The following NEO1 variants were observed in gnomAD, a reference collection of about 807,000 sequenced individuals.
NEO1 encodes the protein neogenin 1, also known as neogenin.
In NEO1, 63 loss-of-function variants were observed where a neutral mutation model predicts 159.7. The ratio of observed to expected loss-of-function variants is 0.39; its 90% CI spans 0.32 to 0.49. NEO1 has a LOEUF of 0.49. Among genes scored for constraint, NEO1 ranks in the 20% least tolerant of loss-of-function variants. The pLI is 0.85. For synonymous variants in NEO1, 633 were observed against 662.0 expected, an observed-to-expected ratio of 0.96 and a Z score of 0.67; for missense variants, 1,615 against 1,831.0, an observed-to-expected ratio of 0.88 and a Z score of 2.15.
intron 1 of NEO1, among the ~76,000 whole-genome samples, chr15:73,057,191 G>T (rs1483513738): frequency 6.6e-6 from 1 of 152,126 alleles, no homozygotes; most frequent in Non-Finnish European, 1.5e-5. Context: ...AATGGCTTCA[G>T]TGTTTCTTTG....
At chr15:73,266,465 G>A in intron 16 of NEO1, 54 bp downstream of exon 16, 1 of 1,404,010 alleles carries the variant, frequency 7.1e-7, no homozygotes, top group Non-Finnish European at 9.9e-7. Flanking sequence ...AGCTTAGGCA[G>A]AATATTGGCA....
intron 28 of NEO1, among the ~76,000 whole-genome samples, chr15:73,301,756 G>A (rs781634306): frequency 2.6e-5 from 4 of 151,698 alleles, no homozygotes; most frequent in South Asian, 4.2e-4. Flanking sequence ...CAACGTCTGC[G>A]TCCTGGGTTC....
intron 7 of NEO1, among the ~76,000 whole-genome samples, chr15:73,179,276 C>T (rs1273578551): frequency 2.0e-5 from 3 of 152,184 alleles, no homozygotes; most frequent in Admixed American, 6.5e-5. Context: ...ACTACAACCC[C>T]TAGGTCTGAG....
chr15:73,185,955 A>C (rs2035896900), intron 7 of NEO1, among the ~76,000 whole-genome samples: 1 of 152,066 alleles, frequency 6.6e-6, no homozygotes, highest in South Asian at 2.1e-4. Context: ...ATCAAACCAC[A>C]CAACCAAAAA....
intron 7 of NEO1, among the ~76,000 whole-genome samples, chr15:73,201,231 CTCT>C (rs1426777745): frequency 6.6e-6 from 1 of 150,384 alleles, no homozygotes; most frequent in African/African-American, 2.4e-5. Context: ...GCTTAATTTT[CTCT>C]TCTTTCTCTA....
At chr15:73,265,922 G>C (rs910447912) in intron 15 of NEO1, among the ~76,000 whole-genome samples, 4 of 152,332 alleles carry the variant, frequency 2.6e-5, no homozygotes, top group South Asian at 2.1e-4. Flanking sequence ...TACCTTGTCT[G>C]TTCCCATCGC....
At position 73,299,472 on chromosome 15, in the gene NEO1, G is replaced by A. The variant is rs183349497; in HGVS notation, c.4165+861G>A. On this transcript the variant is annotated intron_variant, in intron 27 of 28. Transcript: ENST00000261908. ...GCAATCTCGGCTCACTGCAAGCTCC[G>A]ACTCCCGGGTTCACGCCATTCTCCT... is the stretch of plus-strand genomic sequence containing the variant. Among the ~76,000 whole-genome samples the A allele has an allele frequency of 4.6e-4, 69 of 151,378 alleles. No homozygotes were observed. In the East Asian group the frequency reaches 0.012, roughly 25 times the overall value.
At chr15:73,288,693 G>A (rs2042044254) in intron 24 of NEO1, 142 bp downstream of exon 24, 2 of 707,116 alleles carry the variant, frequency 2.8e-6, no homozygotes, top group South Asian at 1.9e-5. Context: ...TAAGATTTGG[G>A]AACATATGAT....
intron 9 of NEO1, among the ~76,000 whole-genome samples, chr15:73,244,979 A>AC (rs2039703203): frequency 7.1e-6 from 1 of 141,190 alleles, no homozygotes; most frequent in Non-Finnish European, 1.6e-5. Flanking sequence ...AAAAAAAAAA[A>AC]AAAACAACAG....
At position 73,258,761 on chromosome 15, in the gene NEO1, C is replaced by A; in HGVS notation, c.2093-5C>A. 6.2e-7 allele frequency: 1 copy of A among 1,611,368 alleles called. No homozygotes were observed. The highest frequency in any genetic ancestry group is 8.5e-7 in the Non-Finnish European group (1 of 1,177,602). ...TCAGTTGTCTTCTTTGTCATTTGGT[C>A]TCAGGTCTTGATCGGGGGACTGAGT... is the stretch of plus-strand genomic sequence containing the variant. On this transcript the variant is annotated splice_region_variant and splice_polypyrimidine_tract_variant and intron_variant, in intron 13 of 28. Coordinates refer to ENST00000261908, the MANE Select transcript of NEO1 (RefSeq NM_002499.4).
chr15:73,222,090 A>ACTTTTT, intron 7 of NEO1: 1 of 49,660 alleles, frequency 2.0e-5, no homozygotes, highest in African/African-American at 5.0e-5. Context: ...CCCTGTTGGT[A>ACTTTTT]ATTTTTTTTT....
chr15:73,258,840 T>C lies in NEO1; in HGVS notation c.2167T>C (p.Trp723Arg). ...CAATGGTACAGGCCCGGCAACTGACTGGCTGTCTGCTGAAACTTTTGAAAG... is the reference window on the plus strand; with the variant it reads ...CAATGGTACAGGCCCGGCAACTGACCGGCTGTCTGCTGAAACTTTTGAAAG... Reference protein sequence around the residue: ...TINGTGPATDWLSAETFESDL... With the variant: ...TINGTGPATDRLSAETFESDL... Residue 723 changes from tryptophan to arginine, a missense_variant, in exon 14 of 29, where the codon TGG becomes CGG. This residue lies in a region of NEO1 where 1,018 missense variants were observed against 1,115.4 expected (regional missense o/e 0.91). Coordinates refer to ENST00000261908, the MANE Select transcript of NEO1 (RefSeq NM_002499.4). The C allele has an allele frequency of 6.2e-7, 1 of 1,613,952 alleles. No homozygotes were observed. Among genetic ancestry groups the C allele is most frequent in the Non-Finnish European group, 8.5e-7 (1 of 1,179,862 alleles).
intron 9 of NEO1, 61 bp downstream of exon 9, chr15:73,244,559 T>G (rs540437588): frequency 6.4e-7 from 1 of 1,556,714 alleles, no homozygotes; most frequent in Non-Finnish European, 8.7e-7. Flanking sequence ...AGTTCTACCT[T>G]TGTTTAGCCT....
chr15:73,116,439 GAAC>G lies in NEO1; in HGVS notation c.131-96_131-94del, dbSNP rs1454154117. ...ACTATATTTATGTGTCACATTCAAA[GAAC>G]AACAGTTAATAATTTTTGGACTTGT... is the stretch of plus-strand genomic sequence containing the variant. On this transcript the variant is annotated intron_variant, in intron 1 of 28. Coordinates refer to ENST00000261908, the MANE Select transcript of NEO1 (RefSeq NM_002499.4). 6.9e-5 allele frequency: 67 copies of G among 973,812 alleles called. No individual in the cohort carries two copies. The Admixed American group carries it at 1.3e-3, about 19-fold the overall frequency. 60.3% of individuals were successfully genotyped at this position (973,812 alleles called of 1,614,324 possible). A position where few individuals can be genotyped will look rare whatever the true frequency, so the allele number is the denominator to read the frequency against.
intron 27 of NEO1, 86 bp from the exon 28 acceptor site, chr15:73,301,235 C>T (rs1401576151): frequency 1.7e-5 from 26 of 1,559,428 alleles, no homozygotes; most frequent in South Asian, 9.4e-5. Flanking sequence ...TCTCTCACCC[C>T]GAAGCAGCAC....
At chr15:73,067,957 A>G (rs1346924829) in intron 1 of NEO1, among the ~76,000 whole-genome samples, 5 of 151,978 alleles carry the variant, frequency 3.3e-5, no homozygotes, top group Non-Finnish European at 7.4e-5. Context: ...TTCCTGTTCT[A>G]ATATTTCAGG....
chr15:73,292,547 A>G (rs759639959), intron 25 of NEO1, among the ~76,000 whole-genome samples: 1 of 152,220 alleles, frequency 6.6e-6, no homozygotes, highest in African/African-American at 2.4e-5. Flanking sequence ...CAGATGGATA[A>G]TGAAGCCTCA....
At chr15:73,227,437 A>G (rs1410576210) in intron 7 of NEO1, among the ~76,000 whole-genome samples, 1 of 151,868 alleles carries the variant, frequency 6.6e-6, no homozygotes, top group Non-Finnish European at 1.5e-5. Context: ...CAGAGGCTGC[A>G]GTGAGCCGAG....
Position 73,149,498 on chromosome 15 carries a change from T to A in NEO1, c.1015+13471T>A, listed in dbSNP as rs183300630. Among the ~76,000 whole-genome samples the A allele has an allele frequency of 2.1e-3, 321 of 152,322 alleles. 1 individual carries two copies. Among genetic ancestry groups the A allele is most frequent in the African/African-American group, 7.4e-3 (306 of 41,572 alleles). On this transcript the variant is annotated intron_variant, in intron 5 of 28. Coordinates refer to ENST00000261908, the MANE Select transcript of NEO1 (RefSeq NM_002499.4). ...TACAGTAGGTGATACAGAGAAGTAGTTAGACATTTCTGTCCCAGGATGATA... is the reference window on the plus strand; with the variant it reads ...TACAGTAGGTGATACAGAGAAGTAGATAGACATTTCTGTCCCAGGATGATA...
Sources: gnomAD v4.1 joint callset for allele counts (sites outside exome capture counted in the v4.1 genomes callset) on GRCh38, gnomAD v4.1.1 for gene constraint, gnomAD v4.1.1 regional missense constraint, MANE v1.5 for transcripts, NCBI Gene and HGNC (gene_info 2026-07-23, HGNC 2026-07-21) for gene names.